The following CCDC192 variants were observed in gnomAD, a reference collection of about 807,000 sequenced individuals.
The protein encoded by CCDC192 is coiled-coil domain-containing protein 192.
intron 5 of CCDC192, among the ~76,000 whole-genome samples, chr5:127,827,688 G>A (rs566451616): frequency 2.6e-3 from 396 of 152,280 alleles, no homozygotes; most frequent in Non-Finnish European, 3.4e-3. Flanking sequence ...GCTGTACAAT[G>A]TGCAAGGGCT....
At chr5:127,867,437 G>A (rs537912094) in intron 5 of CCDC192, among the ~76,000 whole-genome samples, 2 of 152,282 alleles carry the variant, frequency 1.3e-5, no homozygotes, top group African/African-American at 2.4e-5. Context: ...TTGTAAATTC[G>A]ATCCTCTCTG....
At chr5:127,702,805 G>C (rs1750761070), upstream of CCDC192, among the ~76,000 whole-genome samples, 1 of 152,206 alleles carries the variant, frequency 6.6e-6, no homozygotes, top group African/African-American at 2.4e-5. Context: ...GAGAGATACA[G>C]CAACTGGCTG....
chr5:127,862,042 G>C (rs1751392877), intron 5 of CCDC192, among the ~76,000 whole-genome samples: 1 of 152,180 alleles, frequency 6.6e-6, no homozygotes, highest in South Asian at 2.1e-4. Flanking sequence ...TTTTCTCCAA[G>C]TCAGAGACAG....
chr5:127,908,833 C>T (rs1753268260), intron 6 of CCDC192, among the ~76,000 whole-genome samples: 1 of 152,056 alleles, frequency 6.6e-6, no homozygotes, highest in Non-Finnish European at 1.5e-5. Context: ...GATTTTTAAG[C>T]TCTATAGGGA....
chr5:127,735,725 T>C (rs1752945165), intron 2 of CCDC192, among the ~76,000 whole-genome samples: 1 of 129,744 alleles, frequency 7.7e-6, no homozygotes, highest in Admixed American at 8.2e-5. Context: ...TTTGGCTCTC[T>C]GTTTGTCTGT....
chr5:127,746,841 C>G (rs1753776958), intron 2 of CCDC192, among the ~76,000 whole-genome samples: 1 of 152,042 alleles, frequency 6.6e-6, no homozygotes. Flanking sequence ...CCATAGAATT[C>G]TGTTTATATC....
intron 6 of CCDC192, among the ~76,000 whole-genome samples, chr5:127,914,902 A>C (rs887814399): frequency 6.6e-6 from 1 of 152,222 alleles, no homozygotes; most frequent in Non-Finnish European, 1.5e-5. Flanking sequence ...GGAAGGGCCC[A>C]AGTTTGAACA....
chr5:127,703,464 A>C lies in CCDC192; in HGVS notation c.19A>C (p.Lys7Gln). Residue 7 changes from lysine (K) to glutamine (Q), a missense_variant, in exon 1 of 7, where the codon AAG (lysine) becomes CAG (glutamine). Coordinates refer to ENST00000514853, the MANE Select transcript of CCDC192 (RefSeq NM_001317938.2). MGQCYS[K>Q]KSVVPESDTS... Reference sequence around the variant, plus strand: ...GCTTGAGATGGGACAATGCTATAGCAAGAAATCTGTGGTCCCAGAGTCTGA... The same window carrying C: ...GCTTGAGATGGGACAATGCTATAGCCAGAAATCTGTGGTCCCAGAGTCTGA... The C allele has an allele frequency of 5.0e-6, 2 of 399,042 alleles. No individual in the cohort carries two copies. Among genetic ancestry groups the C allele is most frequent in the Non-Finnish European group, 8.8e-6 (2 of 226,058 alleles). 24.7% of individuals were successfully genotyped at this position (399,042 alleles called of 1,614,324 possible).
At chr5:127,935,396 C>T (rs1037712650) in intron 6 of CCDC192, 21 of 152,178 alleles carry the variant, frequency 1.4e-4, no homozygotes, top group Non-Finnish European at 2.9e-4. Flanking sequence ...CTGTTCAATG[C>T]ATACTTTTTG....
chr5:127,829,167 G>A (rs1422726049), intron 5 of CCDC192, among the ~76,000 whole-genome samples: 1 of 152,202 alleles, frequency 6.6e-6, no homozygotes, highest in Non-Finnish European at 1.5e-5. Context: ...GGGGGAGTCT[G>A]TTGAGGAGCA....
At chr5:127,852,656 A>G (rs1750852539) in intron 5 of CCDC192, among the ~76,000 whole-genome samples, 1 of 152,202 alleles carries the variant, frequency 6.6e-6, no homozygotes, top group Admixed American at 6.5e-5. Flanking sequence ...CTATTCTCCC[A>G]TAACAGGAGG....
At chr5:127,796,211 C>T (rs1259805764) in intron 3 of CCDC192, among the ~76,000 whole-genome samples, 3 of 152,152 alleles carry the variant, frequency 2.0e-5, no homozygotes, top group Non-Finnish European at 4.4e-5. Context: ...CCTCTTCATG[C>T]TTCCATATTT....
chr5:127,874,298 T>C (rs921524399), intron 5 of CCDC192, among the ~76,000 whole-genome samples: 1 of 152,190 alleles, frequency 6.6e-6, no homozygotes. Flanking sequence ...CTTTTAGCCA[T>C]GTTCATGCCA....
intron 6 of CCDC192, among the ~76,000 whole-genome samples, chr5:127,927,074 G>C (rs1753882503): frequency 2.0e-5 from 3 of 152,116 alleles, no homozygotes; most frequent in African/African-American, 7.2e-5. Flanking sequence ...AGTTTAGTAA[G>C]GTCCTTTTGA....
At chr5:127,800,376 G>GAA (rs1168212422) in intron 5 of CCDC192, among the ~76,000 whole-genome samples, 797 of 19,364 alleles carry the variant, frequency 0.041, 21 homozygotes, top group Non-Finnish European at 0.046. Flanking sequence ...GAGGTATTCT[G>GAA]AAAAAAAAAA....
intron 3 of CCDC192, among the ~76,000 whole-genome samples, chr5:127,760,801 A>G (rs1244529742): frequency 6.6e-6 from 1 of 152,028 alleles, no homozygotes; most frequent in Non-Finnish European, 1.5e-5. Context: ...AATCTCAGCA[A>G]GACAGAAAAC....
chr5:127,715,643 A>T (rs1257845611), intron 2 of CCDC192, among the ~76,000 whole-genome samples: 1 of 152,150 alleles, frequency 6.6e-6, no homozygotes, highest in African/African-American at 2.4e-5. Flanking sequence ...TTTGATAGGG[A>T]TTGCATTTAA....
intron 5 of CCDC192, 100 bp downstream of exon 5, chr5:127,798,262 G>A (rs747366482): frequency 5.1e-6 from 2 of 394,056 alleles, no homozygotes; most frequent in South Asian, 1.3e-4. Context: ...TTCGTCTGGA[G>A]CAAACCAAAT....
At chr5:127,706,002 C>G (rs927830886) in intron 1 of CCDC192, among the ~76,000 whole-genome samples, 1 of 152,044 alleles carries the variant, frequency 6.6e-6, no homozygotes, top group Admixed American at 6.6e-5. Context: ...GGGTGTCGTG[C>G]GAGAAAAGCA....
Sources: gnomAD v4.1 joint callset for allele counts (sites outside exome capture counted in the v4.1 genomes callset) on GRCh38, gnomAD v4.1.1 for gene constraint, MANE v1.5 for transcripts, NCBI Gene and HGNC (gene_info 2026-07-23, HGNC 2026-07-21) for gene names.